The following ABCA12 variants were observed in gnomAD, a reference collection of about 807,000 sequenced individuals.
The protein encoded by ABCA12 is glucosylceramide transporter ABCA12.
A neutral mutation model predicts 293.5 loss-of-function variants in ABCA12; 156 were observed. The observed-to-expected ratio is 0.53, with a 90% confidence interval of 0.47 to 0.61. The LOEUF (loss-of-function observed/expected upper bound fraction) is 0.61, where lower values mean the gene tolerates loss of function less well. Ranked by LOEUF, ABCA12 falls within the 20% of genes least tolerant of loss-of-function variation. The pLI, the probability that ABCA12 is intolerant of heterozygous loss-of-function variation, is 0.00. For missense variants in ABCA12, 2,797 were observed against 3,090.2 expected (o/e 0.91, Z 2.25); for synonymous variants, 1,063 against 1,108.0 (o/e 0.96, Z 0.81).
intron 1 of ABCA12, among the ~76,000 whole-genome samples, chr2:215,128,326 G>A (rs1318972059): frequency 6.6e-6 from 1 of 152,156 alleles, no homozygotes; most frequent in South Asian, 2.1e-4. Flanking sequence ...TGTGCTTCTT[G>A]TATTTGCACG....
chr2:214,992,057 G>T (rs1244416310), intron 23 of ABCA12, among the ~76,000 whole-genome samples: 1 of 151,956 alleles, frequency 6.6e-6, no homozygotes, highest in Non-Finnish European at 1.5e-5. Context: ...AAAATAAAAA[G>T]ATTTAAAGTC....
At chr2:214,935,935 C>G (rs1424138352) in intron 51 of ABCA12, among the ~76,000 whole-genome samples, 2 of 152,102 alleles carry the variant, frequency 1.3e-5, no homozygotes, top group Non-Finnish European at 2.9e-5. Flanking sequence ...TTTATTTTCT[C>G]TAAAATCACT....
At chr2:215,002,489 A>G (rs1413242855) in intron 20 of ABCA12, among the ~76,000 whole-genome samples, 1 of 152,200 alleles carries the variant, frequency 6.6e-6, no homozygotes, top group African/African-American at 2.4e-5. Flanking sequence ...TTACATTTTT[A>G]CTGACTTGAT....
chr2:214,974,994 G>T, intron 34 of ABCA12, 130 bp from the exon 35 acceptor site: 2 of 816,840 alleles, frequency 2.4e-6, no homozygotes, highest in Non-Finnish European at 4.0e-6. Context: ...ACAGAGTCTT[G>T]CCGTGTTGCC....
At position 214,997,080 on chromosome 2, in the gene ABCA12, C is replaced by T. The variant is rs376684543; in HGVS notation, c.3294+615G>A. On this transcript the variant is annotated intron_variant, in intron 23 of 52. Coordinates refer to ENST00000272895, the MANE Select transcript of ABCA12 (RefSeq NM_173076.3). ...TGGATTTGGGGTTAATGATGAAGAACGTGCCCAGAAAGAGGTCATGCATCA... is the reference window on the plus strand; with the variant it reads ...TGGATTTGGGGTTAATGATGAAGAATGTGCCCAGAAAGAGGTCATGCATCA... Among the ~76,000 whole-genome samples the T allele has an allele frequency of 4.4e-4, 67 of 152,230 alleles. 1 individual carries two copies. Among genetic ancestry groups the T allele is most frequent in the Admixed American group, 7.9e-4 (12 of 15,282 alleles).
At chr2:215,075,470 T>C (rs1458267379) in intron 2 of ABCA12, 1 of 659,650 alleles carries the variant, frequency 1.5e-6, no homozygotes, top group South Asian at 1.7e-5. Context: ...GGAGCGAGAG[T>C]CAAAAAGCAT....
At chr2:214,983,557 T>C in intron 29 of ABCA12, 90 bp downstream of exon 29, 1 of 1,082,350 alleles carries the variant, frequency 9.2e-7, no homozygotes, top group Non-Finnish European at 1.4e-6. Context: ...AAATATTTCC[T>C]ATTGGTATCA....
intron 27 of ABCA12, 57 bp from the exon 28 acceptor site, chr2:214,986,785 GT>G (rs1461337176): frequency 4.1e-6 from 6 of 1,471,210 alleles, no homozygotes; most frequent in Non-Finnish European, 5.7e-6. Context: ...TGCAGCTAGA[GT>G]TAGACTTTAT....
intron 2 of ABCA12, among the ~76,000 whole-genome samples, chr2:215,082,439 C>A (rs187527143): frequency 6.6e-6 from 1 of 152,092 alleles, no homozygotes; most frequent in East Asian, 1.9e-4. Flanking sequence ...TAACTTTCAA[C>A]CATAGGCTGT....
chr2:214,950,820 A>G (rs1559109768), intron 45 of ABCA12, 59 bp downstream of exon 45: 4 of 1,566,000 alleles, frequency 2.6e-6, no homozygotes, highest in Non-Finnish European at 3.5e-6. Flanking sequence ...TTAAGATTTT[A>G]ATTTGTCACA....
intron 2 of ABCA12, among the ~76,000 whole-genome samples, chr2:215,081,216 G>A (rs951436989): frequency 2.6e-5 from 4 of 152,002 alleles, no homozygotes; most frequent in African/African-American, 9.7e-5. Context: ...AGTGGCTCAC[G>A]CCTGTAATCC....
intron 2 of ABCA12, among the ~76,000 whole-genome samples, chr2:215,097,521 T>A (rs2106113281): frequency 6.6e-6 from 1 of 152,102 alleles, no homozygotes; most frequent in African/African-American, 2.4e-5. Flanking sequence ...AATAGCCGAG[T>A]GTTTTGGGGT....
rs1701588697 is a variant in ABCA12 at position 215,064,049 on chromosome 2, T to G, written c.317+17A>C. 6.2e-7 allele frequency: 1 copy of G among 1,612,366 alleles called. No individual in the cohort carries two copies. The highest frequency in any genetic ancestry group is 1.1e-5 in the South Asian group (1 of 91,056). On this transcript the variant is annotated intron_variant, in intron 3 of 52. Coordinates refer to ENST00000272895, the MANE Select transcript of ABCA12 (RefSeq NM_173076.3). ...GATCTCTCAGAACAATTGAACACACTTGAGAAGTGCCCCCACCTGTCTTTA... is the reference window on the plus strand; with the variant it reads ...GATCTCTCAGAACAATTGAACACACGTGAGAAGTGCCCCCACCTGTCTTTA...
intron 16 of ABCA12, 54 bp downstream of exon 16, chr2:215,011,917 T>A: frequency 6.7e-7 from 1 of 1,499,002 alleles, no homozygotes; most frequent in Admixed American, 1.7e-5. Flanking sequence ...TTATAACTAC[T>A]CAATATGACA....
intron 2 of ABCA12, among the ~76,000 whole-genome samples, chr2:215,078,691 A>G (rs1486380678): frequency 2.0e-5 from 3 of 152,222 alleles, no homozygotes; most frequent in Non-Finnish European, 4.4e-5. Context: ...CTGCTGGTGG[A>G]CAAGAAAACT....
In ABCA12 at chr2:214,983,726, T is replaced by A; in HGVS notation, c.4303A>T (p.Thr1435Ser). The change falls in exon 29 of 53, where the codon ACT becomes TCT. Residue 1435 changes from threonine (T) to serine (S), a missense_variant. Thr to Ser is a moderately conservative substitution (Grantham distance 58). Transcript: ENST00000272895. ...CCATATAGGAGAAGGTGCTCCTTAG[T>A]AGTGAGGTAACTGAACAAGACGTCG... ...QHDVLFSYLTTKEHLLLYGSI... is the reference protein window; with the variant it reads ...QHDVLFSYLTSKEHLLLYGSI... The A allele has an allele frequency of 6.2e-7, 1 of 1,614,076 alleles. No individual in the cohort carries two copies.
At chr2:214,935,223 T>A (rs577924533) in intron 51 of ABCA12, among the ~76,000 whole-genome samples, 57 of 152,260 alleles carry the variant, frequency 3.7e-4, no homozygotes, top group Admixed American at 8.5e-4. Flanking sequence ...CTATTTTCCT[T>A]CTAGACATCT....
intron 1 of ABCA12, among the ~76,000 whole-genome samples, chr2:215,131,136 G>A (rs753581894): frequency 1.3e-5 from 2 of 151,954 alleles, no homozygotes; most frequent in African/African-American, 2.4e-5. Context: ...CCAGTATTTT[G>A]TTGAGGATTT....
intron 8 of ABCA12, among the ~76,000 whole-genome samples, chr2:215,032,773 A>G (rs948218015): frequency 6.6e-6 from 1 of 152,178 alleles, no homozygotes; most frequent in Non-Finnish European, 1.5e-5. Flanking sequence ...ATAATCCAGT[A>G]TGTCTCAATG....
Sources: allele counts gnomAD v4.1 joint callset (sites outside exome capture counted in the v4.1 genomes callset), GRCh38; gene constraint gnomAD v4.1.1; transcripts MANE v1.5; gene names NCBI Gene and HGNC (gene_info 2026-07-23, HGNC 2026-07-21).